GRIK4: variants seen among roughly 807,000 people sequenced by gnomAD.
The protein encoded by GRIK4 is glutamate ionotropic receptor kainate type subunit 4.
Under a neutral mutation model 104.9 loss-of-function variants are expected in GRIK4, and 40 were observed. The ratio of observed to expected loss-of-function variants is 0.38; its 90% CI spans 0.30 to 0.50. The LOEUF (loss-of-function observed/expected upper bound fraction) is 0.50. Among genes scored for constraint, GRIK4 ranks in the 20% least tolerant of loss-of-function variants. GRIK4 has a pLI of 0.93. For missense variants in GRIK4, 1,047 were observed against 1,308.1 expected, an observed-to-expected ratio of 0.80 and a Z score of 3.08; for synonymous variants, 485 against 524.9, an observed-to-expected ratio of 0.92 and a Z score of 1.04.
At chr11:120,855,903 T>C (rs2135612766) in intron 8 of GRIK4, among the ~76,000 whole-genome samples, 1 of 152,348 alleles carries the variant, frequency 6.6e-6, no homozygotes, top group Middle Eastern at 3.4e-3. Context: ...ATTTGACAAG[T>C]AGCTAAGAGT....
intron 3 of GRIK4, among the ~76,000 whole-genome samples, chr11:120,682,550 T>G (rs569396822): frequency 6.6e-6 from 1 of 151,824 alleles, no homozygotes; most frequent in Non-Finnish European, 1.5e-5. Context: ...GCCGTATCCA[T>G]GCATGCTCTT....
chr11:120,646,475 G>T (rs1949543915), intron 1 of GRIK4, among the ~76,000 whole-genome samples: 1 of 152,154 alleles, frequency 6.6e-6, no homozygotes, highest in Non-Finnish European at 1.5e-5. Context: ...TTTTGTGAGT[G>T]GAGGGAGTGG....
chr11:120,854,487 C>G (rs994622916), intron 8 of GRIK4, among the ~76,000 whole-genome samples: 1 of 152,114 alleles, frequency 6.6e-6, no homozygotes, highest in African/African-American at 2.4e-5. Flanking sequence ...TGCCTGTGGC[C>G]CTGCTGGGAA....
At chr11:120,624,997 C>G (rs1030062211) in intron 1 of GRIK4, among the ~76,000 whole-genome samples, 1 of 152,156 alleles carries the variant, frequency 6.6e-6, no homozygotes, top group African/African-American at 2.4e-5. Flanking sequence ...AAAAATAAGA[C>G]TTAAGGCCGG....
At chr11:120,711,006 G>A (rs966408286) in intron 3 of GRIK4, among the ~76,000 whole-genome samples, 4 of 147,010 alleles carry the variant, frequency 2.7e-5, no homozygotes, top group Non-Finnish European at 5.9e-5. Flanking sequence ...GTGGGGAGGG[G>A]GTGTGAGCAG....
chr11:120,632,679 G>A (rs1047348956), intron 1 of GRIK4, among the ~76,000 whole-genome samples: 27 of 152,090 alleles, frequency 1.8e-4, no homozygotes, highest in African/African-American at 6.0e-4. Context: ...CACCCAGCAT[G>A]TCCTGGGAAT....
intron 3 of GRIK4, among the ~76,000 whole-genome samples, chr11:120,782,489 G>A (rs1293217480): frequency 1.3e-5 from 2 of 152,134 alleles, no homozygotes; most frequent in Non-Finnish European, 2.9e-5. Context: ...GTTTCACCGT[G>A]TTAGCCAGGA....
chr11:120,596,631 A>G (rs984889917), intron 1 of GRIK4, among the ~76,000 whole-genome samples: 1 of 152,194 alleles, frequency 6.6e-6, no homozygotes, highest in Non-Finnish European at 1.5e-5. Flanking sequence ...TCTATAAAGC[A>G]TATGGAGAAG....
chr11:120,613,817 A>G (rs898874161), intron 1 of GRIK4, among the ~76,000 whole-genome samples: 8 of 152,180 alleles, frequency 5.3e-5, no homozygotes, highest in Non-Finnish European at 1.0e-4. Context: ...AGCTTTCTGC[A>G]CACTGCCCTG....
At chr11:120,794,639 G>T (rs1339752248) in intron 3 of GRIK4, among the ~76,000 whole-genome samples, 1 of 152,136 alleles carries the variant, frequency 6.6e-6, no homozygotes, top group African/African-American at 2.4e-5. Context: ...ACACCAAGGA[G>T]AGAGGTCTTG....
intron 20 of GRIK4, among the ~76,000 whole-genome samples, chr11:120,983,577 C>T (rs1360585831): frequency 6.6e-6 from 1 of 152,220 alleles, no homozygotes; most frequent in Non-Finnish European, 1.5e-5. Context: ...CTGTTGCTGT[C>T]TCCAGCTTTA....
intron 13 of GRIK4, among the ~76,000 whole-genome samples, chr11:120,935,898 A>T (rs994748305): frequency 6.6e-6 from 1 of 152,100 alleles, no homozygotes; most frequent in Admixed American, 6.6e-5. Context: ...AAAAAAAGAC[A>T]CTGTACAGTT....
rs1480424425 is a variant in GRIK4 at position 120,831,843 on chromosome 11, C to A, written c.512-9C>A. 2 of 1,609,262 alleles carry A rather than the reference C, an allele frequency of 1.2e-6. No individual in the cohort carries two copies. The highest frequency in any genetic ancestry group is 1.7e-6 in the Non-Finnish European group (2 of 1,176,206). ...GACCCTCAGGGGCTTCATCCTCTCT[C>A]CCCTCCAGGCCTTTTAAACCTAGAG... On this transcript the variant is annotated splice_polypyrimidine_tract_variant and intron_variant, in intron 6 of 20. Coordinates refer to ENST00000527524, the MANE Select transcript of GRIK4 (RefSeq NM_014619.5).
At chr11:120,594,492 A>C (rs1191671072) in intron 1 of GRIK4, among the ~76,000 whole-genome samples, 1 of 152,082 alleles carries the variant, frequency 6.6e-6, no homozygotes, top group Non-Finnish European at 1.5e-5. Flanking sequence ...ATAAATAATA[A>C]ATAAATAAAT....
intron 1 of GRIK4, among the ~76,000 whole-genome samples, chr11:120,603,412 A>G (rs1948913694): frequency 6.6e-6 from 1 of 152,232 alleles, no homozygotes; most frequent in African/African-American, 2.4e-5. Flanking sequence ...GTCAGCAAAC[A>G]CTACAAATCA....
intron 4 of GRIK4, among the ~76,000 whole-genome samples, chr11:120,813,326 T>G (rs1196066584): frequency 6.6e-6 from 1 of 152,036 alleles, no homozygotes; most frequent in African/African-American, 2.4e-5. Context: ...AATCAGGAGA[T>G]AAGACCCCAC....
intron 8 of GRIK4, among the ~76,000 whole-genome samples, chr11:120,854,577 G>A (rs980853225): frequency 7.2e-5 from 11 of 152,200 alleles, no homozygotes; most frequent in South Asian, 2.1e-4. Context: ...CCTTTGTGGC[G>A]TGATCTGGTG....
chr11:120,811,012 C>A (rs1952818277), intron 4 of GRIK4, among the ~76,000 whole-genome samples: 2 of 152,174 alleles, frequency 1.3e-5, no homozygotes, highest in South Asian at 4.2e-4. Context: ...AGACCCCTGA[C>A]TTCTACCCAC....
chr11:120,689,795 T>C (rs1416700262), intron 3 of GRIK4, among the ~76,000 whole-genome samples: 1 of 152,124 alleles, frequency 6.6e-6, no homozygotes, highest in Non-Finnish European at 1.5e-5. Flanking sequence ...CATAGCAGCT[T>C]TTGTCTCTGT....
Sources: allele counts gnomAD v4.1 joint callset (sites outside exome capture counted in the v4.1 genomes callset), GRCh38; gene constraint gnomAD v4.1.1; transcripts MANE v1.5; gene names NCBI Gene and HGNC (gene_info 2026-07-23, HGNC 2026-07-21).